The following RAB39A variants were observed in gnomAD, a reference collection of about 807,000 sequenced individuals.
The protein encoded by RAB39A is RAB39A, member RAS oncogene family.
Under a neutral mutation model 20.9 loss-of-function variants are expected in RAB39A, and 17 were observed. That is an observed-to-expected ratio of 0.81 (90% confidence interval 0.56 to 1.22). RAB39A has a LOEUF of 1.22. Ranked by LOEUF, RAB39A falls within the 50% of genes most tolerant of loss-of-function variation. The pLI is 0.00. For synonymous variants in RAB39A, 99 were observed against 103.4 expected, an observed-to-expected ratio of 0.96 and a Z score of 0.26; for missense variants, 234 against 270.5, an observed-to-expected ratio of 0.87 and a Z score of 0.95.
At chr11:107,936,376 T>C (rs1861194731) in intron 1 of RAB39A, among the ~76,000 whole-genome samples, 1 of 152,148 alleles carries the variant, frequency 6.6e-6, no homozygotes, top group African/African-American at 2.4e-5. Context: ...TCTCTTACTC[T>C]TCCATTTCCT....
chr11:107,948,101 T>C (rs533347663), intron 1 of RAB39A, among the ~76,000 whole-genome samples: 1 of 152,034 alleles, frequency 6.6e-6, no homozygotes, highest in East Asian at 1.9e-4. Flanking sequence ...AGGGAGATCT[T>C]AGGATCACGT....
chr11:107,940,277 T>TTA lies in RAB39A; in HGVS notation c.227+11483_227+11484insAT, dbSNP rs1565462810. ...TTTTATTTTTATTATTATTATTATT[T>TTA]TTTTTTTAGATGAGTCACATTCTGT... On this transcript the variant is annotated intron_variant, in intron 1 of 1. Coordinates refer to ENST00000320578, the MANE Select transcript of RAB39A (RefSeq NM_017516.3). Among the ~76,000 whole-genome samples, 7 of 149,848 alleles carry TTA rather than the reference T, an allele frequency of 4.7e-5. No homozygotes were observed. In the East Asian group the frequency reaches 7.8e-4, roughly 17 times the overall value.
At chr11:107,946,394 ATATGTGTG>A (rs1197854579) in intron 1 of RAB39A, among the ~76,000 whole-genome samples, 47 of 38,438 alleles carry the variant, frequency 1.2e-3, no homozygotes, top group Admixed American at 2.6e-3. Context: ...GTGGGTGTAT[ATATGTGTG>A]TGTGTGTGTG....
intron 1 of RAB39A, among the ~76,000 whole-genome samples, chr11:107,950,764 T>TAAA (rs5794581): frequency 3.8e-5 from 5 of 131,348 alleles, no homozygotes; most frequent in African/African-American, 5.8e-5. Context: ...AGACCCTGTC[T>TAAA]AAAAAAAAAA....
intron 1 of RAB39A, among the ~76,000 whole-genome samples, chr11:107,949,415 T>A (rs1861351835): frequency 6.6e-6 from 1 of 152,134 alleles, no homozygotes; most frequent in South Asian, 2.1e-4. Context: ...TCACATCAGT[T>A]ACAAATTCCA....
intron 1 of RAB39A, among the ~76,000 whole-genome samples, chr11:107,940,957 G>A (rs1349936545): frequency 6.6e-6 from 1 of 151,602 alleles, no homozygotes; most frequent in African/African-American, 2.4e-5. Context: ...AAGCGACAGA[G>A]CAAGAGTCCA....
At chr11:107,931,703 G>A (rs1006654901) in intron 1 of RAB39A, among the ~76,000 whole-genome samples, 2 of 152,096 alleles carry the variant, frequency 1.3e-5, no homozygotes, top group African/African-American at 4.8e-5. Flanking sequence ...TGTGGGAAAT[G>A]TCATGTTTGA....
At position 107,928,821 on chromosome 11, in the gene RAB39A, C is replaced by T; in HGVS notation, c.227+26C>T. On this transcript the variant is annotated intron_variant, in intron 1 of 1. Transcript: ENST00000320578. The surrounding 1 kb of genome is among the most constrained non-coding windows in gnomAD (Gnocchi z 4.9). ...GTAGGGACCCCGGGGACCTTGGGCA[C>T]CGCGCCGCCCCCTCAGCCCGCCCGG... is the stretch of plus-strand genomic sequence containing the variant. 1 of 1,479,382 alleles carries T rather than the reference C, an allele frequency of 6.8e-7. No individual in the cohort carries two copies. Among genetic ancestry groups the T allele is most frequent in the Non-Finnish European group, 9.1e-7 (1 of 1,099,046 alleles). 91.6% of individuals were successfully genotyped at this position (1,479,382 alleles called of 1,614,324 possible). A position where few individuals can be genotyped will look rare whatever the true frequency, so the allele number is the denominator to read the frequency against.
chr11:107,939,376 G>A (rs1214671373), intron 1 of RAB39A, among the ~76,000 whole-genome samples: 2 of 151,380 alleles, frequency 1.3e-5, no homozygotes, highest in African/African-American at 4.9e-5. Flanking sequence ...GGAGGCCGAG[G>A]CGGGCAGATC....
At chr11:107,955,187 C>T (rs963868928) in intron 1 of RAB39A, among the ~76,000 whole-genome samples, 4 of 151,690 alleles carry the variant, frequency 2.6e-5, no homozygotes, top group African/African-American at 7.3e-5. Flanking sequence ...TTAGTAGAGA[C>T]GGGGTTTCAC....
intron 1 of RAB39A, among the ~76,000 whole-genome samples, chr11:107,945,836 C>G (rs1195995505): frequency 6.6e-6 from 1 of 152,074 alleles, no homozygotes; most frequent in African/African-American, 2.4e-5. Context: ...CTGGAAGCAC[C>G]AGGCATTTTG....
intron 1 of RAB39A, among the ~76,000 whole-genome samples, chr11:107,952,691 C>T (rs941377324): frequency 3.3e-5 from 5 of 151,804 alleles, no homozygotes; most frequent in African/African-American, 7.3e-5. Context: ...ACCATTCTGG[C>T]CAATGTGGTG....
Position 107,928,848 on chromosome 11 carries a change from C to T in RAB39A, c.227+53C>T. The T allele has an allele frequency of 7.1e-7, 1 of 1,408,884 alleles. No homozygotes were observed. Among genetic ancestry groups the T allele is most frequent in the Admixed American group, 2.4e-5 (1 of 41,326 alleles). 87.3% of individuals were successfully genotyped at this position (1,408,884 alleles called of 1,614,324 possible). Reference sequence around the variant, plus strand: ...GCGCCGCCCCCTCAGCCCGCCCGGACGCCCCTTCCCCAGGCGTCCGCCCCG... The same window carrying T: ...GCGCCGCCCCCTCAGCCCGCCCGGATGCCCCTTCCCCAGGCGTCCGCCCCG... On this transcript the variant is annotated intron_variant, in intron 1 of 1. Transcript: ENST00000320578. This position sits in a 1 kb window ranked among gnomAD's most constrained non-coding sequence, Gnocchi z 4.9.
rs1192950805 is a variant in RAB39A at position 107,962,638 on chromosome 11, G to A, written c.*266G>A. 9.1e-6 allele frequency: 3 copies of A among 330,242 alleles called. No individual in the cohort carries two copies. The highest frequency in any genetic ancestry group is 1.1e-5 in the Non-Finnish European group (2 of 180,604). The allele number at this position is 330,242 out of a possible 1,614,324, so 20.5% of individuals were successfully genotyped here. A position where few individuals can be genotyped will look rare whatever the true frequency, so the allele number is the denominator to read the frequency against. ...ACTTTGTTAGCATACGCTGACCTTA[G>A]TGTCCAGATATGTCACTATTACTCA... On this transcript the variant is annotated 3_prime_UTR_variant, in exon 2 of 2. Transcript: ENST00000320578.
intron 1 of RAB39A, among the ~76,000 whole-genome samples, chr11:107,937,198 C>T (rs1002750824): frequency 6.6e-6 from 1 of 151,920 alleles, no homozygotes; most frequent in Non-Finnish European, 1.5e-5. Flanking sequence ...TGCAGTGGCA[C>T]AATCATAGCT....
chr11:107,956,564 A>G (rs1162572937), intron 1 of RAB39A, among the ~76,000 whole-genome samples: 1 of 152,248 alleles, frequency 6.6e-6, no homozygotes, highest in African/African-American at 2.4e-5. Flanking sequence ...ATGTGCCTCC[A>G]GTTCTCTTTT....
At chr11:107,937,717 T>G (rs1861210157) in intron 1 of RAB39A, among the ~76,000 whole-genome samples, 1 of 151,884 alleles carries the variant, frequency 6.6e-6, no homozygotes, top group Non-Finnish European at 1.5e-5. Flanking sequence ...TATGAAAAAT[T>G]TTAAAACAAG....
chr11:107,940,905 A>G (rs971048585), intron 1 of RAB39A, among the ~76,000 whole-genome samples: 6 of 152,100 alleles, frequency 3.9e-5, no homozygotes, highest in Non-Finnish European at 7.4e-5. Context: ...CCCGGGAGAC[A>G]GAGGTTGCAG....
At chr11:107,933,489 C>T (rs1861161664) in intron 1 of RAB39A, among the ~76,000 whole-genome samples, 1 of 145,350 alleles carries the variant, frequency 6.9e-6, no homozygotes, top group Non-Finnish European at 1.5e-5. Flanking sequence ...AAGCGATTCT[C>T]CTCCCTCAGC....
Sources: allele counts gnomAD v4.1 joint callset (sites outside exome capture counted in the v4.1 genomes callset), GRCh38; gene constraint gnomAD v4.1.1; non-coding constraint Gnocchi (gnomAD v3.1); transcripts MANE v1.5; gene names NCBI Gene and HGNC (gene_info 2026-07-23, HGNC 2026-07-21).